FGD4: variants seen among roughly 807,000 people sequenced by gnomAD.
FGD4 encodes the protein FYVE, RhoGEF and PH domain containing 4, also known as FYVE, RhoGEF and PH domain-containing protein 4.
Under a neutral mutation model 102.0 loss-of-function variants are expected in FGD4, and 42 were observed. The observed-to-expected ratio is 0.41, with a 90% CI of 0.32 to 0.53. The LOEUF is 0.53. Ranked by LOEUF, FGD4 falls within the 20% of genes least tolerant of loss-of-function variation. The pLI is 0.21. For missense variants in FGD4, 902 were observed against 1,078.2 expected (o/e 0.84, Z 2.29); for synonymous variants, 380 against 375.7 (o/e 1.01, Z -0.13).
chr12:32,613,121 G>A (rs1949247311), intron 10 of FGD4, among the ~76,000 whole-genome samples: 1 of 152,174 alleles, frequency 6.6e-6, no homozygotes, highest in Non-Finnish European at 1.5e-5. Context: ...GGGTGAAAAG[G>A]CTGCCTGGTG....
At chr12:32,577,017 G>A (rs973137245) in intron 3 of FGD4, among the ~76,000 whole-genome samples, 6 of 151,976 alleles carry the variant, frequency 3.9e-5, no homozygotes, top group African/African-American at 1.4e-4. Context: ...ATGACAAAAT[G>A]TATGCTAAAT....
chr12:32,632,988 A>G (rs1281836394), intron 14 of FGD4, among the ~76,000 whole-genome samples: 1 of 151,808 alleles, frequency 6.6e-6, no homozygotes, highest in Non-Finnish European at 1.5e-5. Flanking sequence ...AAGCCTAGAA[A>G]AGAAGCCAAA....
intron 1 of FGD4, among the ~76,000 whole-genome samples, chr12:32,532,724 G>A (rs550638939): frequency 2.0e-5 from 3 of 152,292 alleles, no homozygotes; most frequent in South Asian, 4.1e-4. Context: ...CTAAGGCTAA[G>A]TGGTCTTGGA....
At chr12:32,444,621 T>C (rs1284587451) in intron 1 of FGD4, among the ~76,000 whole-genome samples, 1 of 152,118 alleles carries the variant, frequency 6.6e-6, no homozygotes, top group African/African-American at 2.4e-5. Flanking sequence ...GCCAGGCTAG[T>C]CTCGAACTCC....
rs1270456231 is a variant in FGD4 at position 32,624,427 on chromosome 12, C to T, written c.1928C>T (p.Ala643Val). Residue 643 changes from alanine to valine, a missense_variant, in exon 12 of 17, where the codon GCG (alanine) becomes GTG (valine). Around this residue, in one of 2 missense-constraint regions of FGD4, gnomAD observed 459 missense variants for 619.0 expected, o/e 0.74. Coordinates refer to ENST00000534526, the MANE Select transcript of FGD4 (RefSeq NM_001370298.3). Reference sequence around the variant, plus strand: ...TTAATTTTGTTTTATTTTAGTTCTGCGCAAGACAAAGAAGAATGGATCAAG... The same window carrying T: ...TTAATTTTGTTTTATTTTAGTTCTGTGCAAGACAAAGAAGAATGGATCAAG... ...ERTLELQASS[A>V]QDKEEWIKAL... 2.5e-6 allele frequency: 4 copies of T among 1,601,422 alleles called. No homozygotes were observed. Among genetic ancestry groups the T allele is most frequent in the Non-Finnish European group, 3.4e-6 (4 of 1,170,182 alleles).
chr12:32,467,453 G>T (rs1303339715), intron 1 of FGD4, among the ~76,000 whole-genome samples: 2 of 152,096 alleles, frequency 1.3e-5, no homozygotes, highest in Non-Finnish European at 2.9e-5. Context: ...TAACTTGTTG[G>T]TTGAAGAATA....
rs77452665 is a variant in FGD4 at position 32,587,716 on chromosome 12, C to T, written c.1011+5249C>T. On this transcript the variant is annotated intron_variant, in intron 4 of 16. Coordinates refer to ENST00000534526, the MANE Select transcript of FGD4 (RefSeq NM_001370298.3). ...CATCACTTTAACAAACTCTCCAGGC[C>T]ATGGCTTCCTGACATGTTGAAATCA... Among the ~76,000 whole-genome samples the T allele has an allele frequency of 7.5e-3, 1,140 of 152,232 alleles. 11 individuals carry two copies. The highest frequency in any genetic ancestry group is 0.026 in the African/African-American group (1,082 of 41,526).
intron 1 of FGD4, among the ~76,000 whole-genome samples, chr12:32,490,487 C>T (rs1008019501): frequency 6.6e-6 from 1 of 151,058 alleles, no homozygotes; most frequent in Non-Finnish European, 1.5e-5. Context: ...ACCTCCACCT[C>T]CCAGGTTCAA....
intron 4 of FGD4, among the ~76,000 whole-genome samples, chr12:32,593,932 A>C (rs559798780): frequency 2.6e-5 from 4 of 152,374 alleles, no homozygotes; most frequent in Non-Finnish European, 4.4e-5. Flanking sequence ...GACAGAAACA[A>C]GACTAAGAAG....
In FGD4 at chr12:32,608,084, A is replaced by G; in HGVS notation, c.1532A>G (p.Asn511Ser). ...TTGCCTCCTGATTCCCTGGACTGGA[A>G]TGATGCTAAAAGTAAATGCTTTTTT... ...RKLPPDSLDW[N>S]DAKKSLEIIS... The change falls in exon 8 of 17, where the codon AAT becomes AGT. Residue 511 changes from asparagine (N) to serine (S), a missense_variant. Physicochemically the swap from Asn to Ser is conservative, Grantham distance 46 (BLOSUM62 1). Around this residue, in one of 2 missense-constraint regions of FGD4, gnomAD observed 459 missense variants for 619.0 expected, o/e 0.74. Coordinates refer to ENST00000534526, the MANE Select transcript of FGD4 (RefSeq NM_001370298.3). The G allele has an allele frequency of 6.2e-7, 1 of 1,614,206 alleles. No homozygotes were observed. Among genetic ancestry groups the G allele is most frequent in the Non-Finnish European group, 8.5e-7 (1 of 1,180,022 alleles).
At position 32,590,309 on chromosome 12, in the gene FGD4, T is replaced by TAA. The variant is rs939160366; in HGVS notation, c.1011+7862_1011+7863dup. ...TGGGGGACAAGAGTGAGACTTCATC[T>TAA]AAAAAAAAAAAAAAAAAAAAAGCAA... On this transcript the variant is annotated intron_variant, in intron 4 of 16. Coordinates refer to ENST00000534526, the MANE Select transcript of FGD4 (RefSeq NM_001370298.3). Among the ~76,000 whole-genome samples the TAA allele has an allele frequency of 2.2e-3, 180 of 80,468 alleles. 2 individuals carry two copies. The highest frequency in any genetic ancestry group is 7.6e-3 in the African/African-American group (165 of 21,688). 52.8% of individuals were successfully genotyped at this position (80,468 alleles called of 152,430 possible).
intron 1 of FGD4, among the ~76,000 whole-genome samples, chr12:32,418,118 G>A (rs325423): frequency 0.53 from 80,320 of 151,306 alleles, 22,033 homozygotes; most frequent in African/African-American, 0.68. Context: ...CACCACGCCC[G>A]GCTAATTTTT....
chr12:32,534,495 C>G, intron 1 of FGD4: 1 of 1,499,652 alleles, frequency 6.7e-7, no homozygotes, highest in Non-Finnish European at 8.9e-7. Context: ...GTCCACTGAT[C>G]AAGGTAAGTG....
chr12:32,599,265 C>T (rs893278209), intron 5 of FGD4, among the ~76,000 whole-genome samples: 6 of 150,748 alleles, frequency 4.0e-5, no homozygotes, highest in Admixed American at 6.6e-5. Context: ...GAGGCCGAGG[C>T]GGGCGGATCA....
chr12:32,487,388 G>A (rs1223919196), intron 1 of FGD4, among the ~76,000 whole-genome samples: 1 of 151,936 alleles, frequency 6.6e-6, no homozygotes, highest in East Asian at 1.9e-4. Context: ...AGGCAGCGAT[G>A]TGCTTGCAAT....
intron 1 of FGD4, among the ~76,000 whole-genome samples, chr12:32,420,366 C>A (rs144258514): frequency 6.6e-6 from 1 of 152,210 alleles, no homozygotes; most frequent in South Asian, 2.1e-4. Flanking sequence ...CATGTCTTTC[C>A]GTTCCCTTTC....
intron 1 of FGD4, among the ~76,000 whole-genome samples, chr12:32,532,798 G>A (rs1302217603): frequency 6.6e-6 from 1 of 152,052 alleles, no homozygotes; most frequent in Non-Finnish European, 1.5e-5. Flanking sequence ...AGTTTGCAAA[G>A]GAGTTAAAAA....
At chr12:32,402,601 ATT>A (rs11365381) in intron 1 of FGD4, among the ~76,000 whole-genome samples, 9,593 of 146,544 alleles carry the variant, frequency 0.065, 417 homozygotes, top group Middle Eastern at 0.14. Context: ...GGCACACACC[ATT>A]TTTTTTTTTT....
intron 1 of FGD4, among the ~76,000 whole-genome samples, chr12:32,451,179 A>T (rs1456087205): frequency 6.6e-6 from 1 of 152,156 alleles, no homozygotes; most frequent in Non-Finnish European, 1.5e-5. Flanking sequence ...CTATCTAATT[A>T]ATTTTCTTTT....
Sources: allele counts gnomAD v4.1 joint callset (sites outside exome capture counted in the v4.1 genomes callset), GRCh38; gene constraint gnomAD v4.1.1; regional missense constraint gnomAD v4.1.1; transcripts MANE v1.5; gene names NCBI Gene and HGNC (gene_info 2026-07-23, HGNC 2026-07-21).